ITPK1: variants seen among roughly 807,000 people sequenced by gnomAD.
ITPK1 encodes the protein inositol-tetrakisphosphate 1-kinase.
A neutral mutation model predicts 45.3 loss-of-function variants in ITPK1; 21 were observed. The observed-to-expected ratio is 0.46, with a 90% CI of 0.33 to 0.67. The LOEUF is 0.67. Among genes scored for constraint, ITPK1 ranks in the 30% least tolerant of loss-of-function variants. ITPK1 has a pLI of 0.02. For missense variants in ITPK1, 474 were observed against 573.5 expected (o/e 0.83, Z 1.77); for synonymous variants, 258 against 253.6 (o/e 1.02, Z -0.16).
chr14:93,006,743 T>C (rs1238923268), intron 4 of ITPK1, among the ~76,000 whole-genome samples: 2 of 152,160 alleles, frequency 1.3e-5, no homozygotes, highest in Non-Finnish European at 2.9e-5. Flanking sequence ...ACAATGGTGT[T>C]CAGGCCAAAA....
intron 3 of ITPK1, among the ~76,000 whole-genome samples, chr14:93,018,079 G>A (rs987249021): frequency 6.6e-6 from 1 of 152,142 alleles, no homozygotes; most frequent in Admixed American, 6.5e-5. Context: ...CTAGGCAGCT[G>A]TCCTCTCAGG....
intron 5 of ITPK1, among the ~76,000 whole-genome samples, chr14:92,967,172 A>G (rs1885415934): frequency 6.6e-6 from 1 of 152,248 alleles, no homozygotes; most frequent in Non-Finnish European, 1.5e-5. Flanking sequence ...TGGGGGAAAT[A>G]TTTGCAAATC....
intron 9 of ITPK1, among the ~76,000 whole-genome samples, chr14:92,947,494 T>G (rs1254162112): frequency 6.6e-6 from 1 of 152,260 alleles, no homozygotes; most frequent in African/African-American, 2.4e-5. Context: ...AGACGTGGGT[T>G]CCAAACCTGA....
chr14:92,954,328 G>A (rs1371650851), intron 8 of ITPK1, among the ~76,000 whole-genome samples: 2 of 152,214 alleles, frequency 1.3e-5, no homozygotes, highest in African/African-American at 4.8e-5. Context: ...AGCCTCCTGT[G>A]GCTGCCAGTC....
chr14:93,092,513 T>C (rs948062246), intron 2 of ITPK1, among the ~76,000 whole-genome samples: 2 of 152,178 alleles, frequency 1.3e-5, no homozygotes, highest in Non-Finnish European at 2.9e-5. Context: ...GCTCGCCAGG[T>C]GGCAGTGCAG....
chr14:93,004,288 C>T (rs182814321), intron 4 of ITPK1, among the ~76,000 whole-genome samples: 4 of 152,362 alleles, frequency 2.6e-5, no homozygotes, highest in Admixed American at 2.0e-4. Flanking sequence ...GCTGCGGTTC[C>T]CTGCGGTCTC....
intron 8 of ITPK1, among the ~76,000 whole-genome samples, chr14:92,956,583 T>G (rs1301408168): frequency 2.0e-5 from 3 of 152,094 alleles, no homozygotes; most frequent in Admixed American, 6.6e-5. Flanking sequence ...TGGCCCAGCA[T>G]TTTGCAACCA....
chr14:93,092,610 A>G (rs910777082), intron 2 of ITPK1, among the ~76,000 whole-genome samples: 4 of 152,232 alleles, frequency 2.6e-5, no homozygotes, highest in African/African-American at 9.6e-5. Flanking sequence ...CCCAGAGGAC[A>G]TCTGGAAGTA....
At chr14:92,969,590 C>T (rs926429126) in intron 5 of ITPK1, among the ~76,000 whole-genome samples, 17 of 152,250 alleles carry the variant, frequency 1.1e-4, no homozygotes, top group African/African-American at 3.4e-4. Flanking sequence ...AGACAAGCCC[C>T]TTCTGCCTGC....
chr14:92,938,886 A>C lies in ITPK1; in HGVS notation c.*2675T>G. 1 of 370,972 alleles carries C rather than the reference A, an allele frequency of 2.7e-6. No individual in the cohort carries two copies. Among genetic ancestry groups the C allele is most frequent in the Non-Finnish European group, 5.0e-6 (1 of 200,454 alleles). 23.0% of individuals were successfully genotyped at this position (370,972 alleles called of 1,614,324 possible). A position where few individuals can be genotyped will look rare whatever the true frequency, so the allele number is the denominator to read the frequency against. ...CACGGCCTCAGCCCCAGGGTGCTCA[A>C]TGCAGACTGTGCAGGTGACCCTCTG... On this transcript the variant is annotated 3_prime_UTR_variant, in exon 11 of 11. Coordinates refer to ENST00000267615, the MANE Select transcript of ITPK1 (RefSeq NM_014216.6).
chr14:92,980,033 A>G (rs1004867835), intron 5 of ITPK1, among the ~76,000 whole-genome samples: 5 of 152,046 alleles, frequency 3.3e-5, no homozygotes, highest in African/African-American at 7.2e-5. Context: ...CACCCGCCTC[A>G]GCCTCTCAAA....
intron 4 of ITPK1, among the ~76,000 whole-genome samples, chr14:93,009,584 T>C (rs1034043123): frequency 4.6e-5 from 7 of 152,220 alleles, no homozygotes; most frequent in Admixed American, 1.3e-4. Flanking sequence ...CTGGCATTGG[T>C]GCACAATGGA....
chr14:93,087,229 G>A (rs1891686816), intron 2 of ITPK1, among the ~76,000 whole-genome samples: 1 of 152,192 alleles, frequency 6.6e-6, no homozygotes, highest in Admixed American at 6.5e-5. Context: ...TCCTTGGCTT[G>A]TGGCCACAAC....
chr14:93,091,112 G>A (rs1489143790), intron 2 of ITPK1, among the ~76,000 whole-genome samples: 1 of 152,216 alleles, frequency 6.6e-6, no homozygotes, highest in African/African-American at 2.4e-5. Flanking sequence ...CTCAGCTGAA[G>A]AGGGAAAAAG....
rs967757208 is a variant in ITPK1, at chr14:92,941,156, A to T, written c.*405T>A. 8.3e-7 allele frequency: 1 copy of T among 1,209,844 alleles called. No individual in the cohort carries two copies. The highest frequency in any genetic ancestry group is 1.0e-6 in the Non-Finnish European group (1 of 959,806). The allele number at this position is 1,209,844 out of a possible 1,614,324, so 74.9% of individuals were successfully genotyped here. A position where few individuals can be genotyped will look rare whatever the true frequency, so the allele number is the denominator to read the frequency against. ...TCACATGCACCGATCAGCCTCCCAC[A>T]GCCCGACATGGGCAGGCTTCCCCCA... On this transcript the variant is annotated 3_prime_UTR_variant, in exon 11 of 11. Transcript: ENST00000267615.
chr14:93,106,135 C>T (rs570003731), intron 2 of ITPK1, among the ~76,000 whole-genome samples: 7 of 152,266 alleles, frequency 4.6e-5, no homozygotes, highest in African/African-American at 1.7e-4. Context: ...TAACCTGATT[C>T]TTGAGAAAGG....
In ITPK1 at chr14:93,063,282, C is replaced by CCCT. The variant is rs1408426301; in HGVS notation, c.120+13310_120+13312dup. On this transcript the variant is annotated intron_variant, in intron 3 of 10. Transcript: ENST00000267615. The surrounding 1 kb of genome is among the most constrained non-coding windows in gnomAD (Gnocchi z 4.3). ...GTCTGCCTCCAAGCCAGGACCCACACCCTCCTGCCCAGGGACCCCTGGTCC... is the reference window on the plus strand; with the variant it reads ...GTCTGCCTCCAAGCCAGGACCCACACCCTCCTCCTGCCCAGGGACCCCTGGTCC... Among the ~76,000 whole-genome samples, 5 of 152,204 alleles carry CCCT rather than the reference C, an allele frequency of 3.3e-5. No individual in the cohort carries two copies. Among genetic ancestry groups the CCCT allele is most frequent in the Non-Finnish European group, 7.3e-5 (5 of 68,036 alleles).
At chr14:93,108,692 G>A (rs1453817430) in intron 2 of ITPK1, among the ~76,000 whole-genome samples, 1 of 152,246 alleles carries the variant, frequency 6.6e-6, no homozygotes, top group East Asian at 1.9e-4. Flanking sequence ...CTGACATATT[G>A]AAATTTCTTT....
intron 4 of ITPK1, among the ~76,000 whole-genome samples, chr14:93,004,002 C>T (rs889890181): frequency 6.6e-6 from 1 of 152,198 alleles, no homozygotes; most frequent in Non-Finnish European, 1.5e-5. Context: ...TGTGATGTGA[C>T]GAACAAACCA....
Sources: gnomAD v4.1 joint callset for allele counts (sites outside exome capture counted in the v4.1 genomes callset) on GRCh38, gnomAD v4.1.1 for gene constraint, Gnocchi (gnomAD v3.1) non-coding constraint, MANE v1.5 for transcripts, NCBI Gene and HGNC (gene_info 2026-07-23, HGNC 2026-07-21) for gene names.